Variants in WDR49 observed in about 807,000 individuals in gnomAD.
WDR49 encodes cilia- and flagella-associated protein 337.
In WDR49, 107 loss-of-function variants were observed where a neutral mutation model predicts 119.5. The observed-to-expected ratio is 0.90, with a 90% CI of 0.77 to 1.05. The LOEUF (loss-of-function observed/expected upper bound fraction) is 1.05. WDR49 is among the 50% of genes least tolerant of loss of function. The pLI is 0.00. For synonymous variants in WDR49, 425 were observed against 418.8 expected, an observed-to-expected ratio of 1.01 and a Z score of -0.18; for missense variants, 1,240 against 1,220.5, an observed-to-expected ratio of 1.02 and a Z score of -0.24.
Position 167,621,162 on chromosome 3 carries a change from A to G in WDR49, c.783+305T>C, listed in dbSNP as rs567610613. Reference sequence around the variant, plus strand: ...ATCATTTAATATTAAACATTTATTCATATTAGGATCTAATAAATTAAGCAT... The same window carrying G: ...ATCATTTAATATTAAACATTTATTCGTATTAGGATCTAATAAATTAAGCAT... On this transcript the variant is annotated intron_variant, in intron 4 of 18. Coordinates refer to ENST00000682715, the MANE Select transcript of WDR49 (RefSeq NM_001366157.1). Among the ~76,000 whole-genome samples the G allele has an allele frequency of 3.9e-5, 6 of 152,298 alleles. No homozygotes were observed. In the South Asian group the frequency reaches 1.2e-3, roughly 32 times the overall value.
intron 10 of WDR49, among the ~76,000 whole-genome samples, chr3:167,553,366 G>T (rs958629683): frequency 1.3e-5 from 2 of 151,906 alleles, no homozygotes; most frequent in African/African-American, 4.8e-5. Flanking sequence ...CACCAACATA[G>T]ATAGAATAAT....
chr3:167,604,487 G>T lies in WDR49; in HGVS notation c.959-19C>A. ...TAAGTAACTGATAAAAAATTAAAAAGAGAAAAACAATCTTTAGTTGATTCT... is the reference window on the plus strand; with the variant it reads ...TAAGTAACTGATAAAAAATTAAAAATAGAAAAACAATCTTTAGTTGATTCT... On this transcript the variant is annotated intron_variant, in intron 5 of 18. Transcript: ENST00000682715. 6.4e-7 allele frequency: 1 copy of T among 1,566,730 alleles called. No homozygotes were observed. The highest frequency in any genetic ancestry group is 8.6e-7 in the Non-Finnish European group (1 of 1,157,926).
intron 4 of WDR49, among the ~76,000 whole-genome samples, chr3:167,621,135 T>TAA (rs1325187058): frequency 6.6e-6 from 1 of 152,128 alleles, no homozygotes; most frequent in Non-Finnish European, 1.5e-5. Context: ...GGGATAAATG[T>TAA]AATCATTTAA....
At chr3:167,550,393 T>C (rs948879902) in intron 10 of WDR49, among the ~76,000 whole-genome samples, 1 of 152,136 alleles carries the variant, frequency 6.6e-6, no homozygotes, top group African/African-American at 2.4e-5. Context: ...GTAGTTCTCC[T>C]TGAAGAGGTC....
chr3:167,486,127 T>C (rs1021318195), intron 18 of WDR49, among the ~76,000 whole-genome samples: 1 of 152,114 alleles, frequency 6.6e-6, no homozygotes, highest in African/African-American at 2.4e-5. Context: ...TTCCATCCAA[T>C]AATTTCATAT....
At chr3:167,554,571 A>G (rs1038706830) in intron 10 of WDR49, 79 bp downstream of exon 10, 23 of 868,052 alleles carry the variant, frequency 2.6e-5, no homozygotes, top group South Asian at 2.3e-4. Flanking sequence ...GCAAGTTTTA[A>G]TGACACAGAG....
intron 5 of WDR49, among the ~76,000 whole-genome samples, chr3:167,614,453 C>A (rs1008008412): frequency 6.6e-6 from 1 of 152,126 alleles, no homozygotes; most frequent in Non-Finnish European, 1.5e-5. Flanking sequence ...GTGATACTGT[C>A]TATATGAGGA....
chr3:167,516,434 ATT>A lies in WDR49; in HGVS notation c.2774+5879_2774+5880del, dbSNP rs570136797. On this transcript the variant is annotated intron_variant, in intron 16 of 18. Transcript: ENST00000682715. ...TCCCTACAAAGGACATGAACGCATCATTTTTTATGGCTGCATAGTATTCCATG... is the reference window on the plus strand; with the variant it reads ...TCCCTACAAAGGACATGAACGCATCATTTTATGGCTGCATAGTATTCCATG... Among the ~76,000 whole-genome samples the A allele has an allele frequency of 6.0e-3, 920 of 152,108 alleles. 3 individuals are homozygous for A. Among genetic ancestry groups the A allele is most frequent in the African/African-American group, 0.021 (876 of 41,470 alleles).
intron 9 of WDR49, among the ~76,000 whole-genome samples, chr3:167,557,532 C>A (rs1713006151): frequency 6.6e-6 from 1 of 152,160 alleles, no homozygotes; most frequent in Non-Finnish European, 1.5e-5. Context: ...CAAAACTCAA[C>A]TGCCTATGGA....
At chr3:167,546,442 T>C (rs1712206395) in intron 10 of WDR49, among the ~76,000 whole-genome samples, 1 of 152,018 alleles carries the variant, frequency 6.6e-6, no homozygotes, top group Admixed American at 6.6e-5. Context: ...TTTATACTTT[T>C]GCCAAGTAAA....
intron 7 of WDR49, among the ~76,000 whole-genome samples, chr3:167,591,747 AT>A (rs1393253787): frequency 6.6e-6 from 1 of 151,654 alleles, no homozygotes; most frequent in Non-Finnish European, 1.5e-5. Context: ...ATGGAATATC[AT>A]TTTTCCTTCC....
intron 2 of WDR49, among the ~76,000 whole-genome samples, chr3:167,647,132 G>T (rs1718165136): frequency 6.6e-6 from 1 of 152,024 alleles, no homozygotes; most frequent in African/African-American, 2.4e-5. Context: ...TTCAAAAGTA[G>T]CAGTGCCCTT....
At chr3:167,647,539 C>G (rs1261362767) in intron 2 of WDR49, among the ~76,000 whole-genome samples, 2 of 152,176 alleles carry the variant, frequency 1.3e-5, no homozygotes, top group Non-Finnish European at 2.9e-5. Flanking sequence ...GATAAAACCA[C>G]CACAGAATTC....
At chr3:167,594,870 C>G (rs1715328771) in intron 7 of WDR49, among the ~76,000 whole-genome samples, 1 of 148,696 alleles carries the variant, frequency 6.7e-6, no homozygotes, top group East Asian at 2.0e-4. Flanking sequence ...CTGGCCAGGG[C>G]AATTAGGCAG....
intron 15 of WDR49, among the ~76,000 whole-genome samples, chr3:167,523,597 C>T (rs1752531210): frequency 6.6e-6 from 1 of 152,086 alleles, no homozygotes; most frequent in Non-Finnish European, 1.5e-5. Context: ...CTCCCTGTGT[C>T]CATGTGTTCT....
chr3:167,568,906 A>G (rs1415002541), intron 8 of WDR49, among the ~76,000 whole-genome samples: 1 of 152,122 alleles, frequency 6.6e-6, no homozygotes, highest in Non-Finnish European at 1.5e-5. Flanking sequence ...GGGGGTGGCT[A>G]TGAAATCATT....
intron 16 of WDR49, among the ~76,000 whole-genome samples, chr3:167,521,968 A>AGATAGATAGATAGAT (rs1365734388): frequency 4.8e-5 from 2 of 41,720 alleles, no homozygotes; most frequent in African/African-American, 1.5e-4. Flanking sequence ...ATTCTAAGAT[A>AGATAGATAGATAGAT]GATAGATAGA....
At chr3:167,624,519 T>C (rs1319763852) in intron 3 of WDR49, among the ~76,000 whole-genome samples, 1 of 152,100 alleles carries the variant, frequency 6.6e-6, no homozygotes, top group Non-Finnish European at 1.5e-5. Flanking sequence ...GGGTGATTAA[T>C]ATGTTCATTG....
At chr3:167,587,835 G>T (rs976246549) in intron 7 of WDR49, among the ~76,000 whole-genome samples, 1 of 151,938 alleles carries the variant, frequency 6.6e-6, no homozygotes, top group Non-Finnish European at 1.5e-5. Flanking sequence ...TACAGAGTAG[G>T]TGTATATATT....
Sources: gnomAD v4.1 joint callset for allele counts (sites outside exome capture counted in the v4.1 genomes callset) on GRCh38, gnomAD v4.1.1 for gene constraint, MANE v1.5 for transcripts, NCBI Gene and HGNC (gene_info 2026-07-23, HGNC 2026-07-21) for gene names.